Variants in CHIA observed in about 807,000 individuals in gnomAD.
CHIA encodes acidic mammalian chitinase.
CHIA carries 47 observed loss-of-function variants against 53.5 expected under a neutral mutation model. The ratio of observed to expected loss-of-function variants is 0.88; its 90% confidence interval spans 0.70 to 1.12. The LOEUF (loss-of-function observed/expected upper bound fraction) is 1.12, where lower values mean the gene tolerates loss of function less well. CHIA is among the 50% of genes most tolerant of loss of function. CHIA has a pLI of 0.00. For missense variants in CHIA, 652 were observed against 592.2 expected (o/e 1.10, Z -1.05); for synonymous variants, 268 against 222.2 (o/e 1.21, Z -1.83).
In CHIA at chr1:111,312,250, G is replaced by T; in HGVS notation, c.116G>T (p.Gly39Val). 1 of 1,614,028 alleles carries T rather than the reference G, an allele frequency of 6.2e-7. No homozygotes were observed. The highest frequency in any genetic ancestry group is 8.5e-7 in the Non-Finnish European group (1 of 1,179,978). Residue 39 changes from glycine to valine, a missense_variant, in exon 4 of 12, where the codon GGG becomes GTG. Transcript: ENST00000369740. The stretch of plus-strand genomic sequence containing the variant: ...TGGGCCCAGTACCGGCCAGGCCTGG[G>T]GCGCTTCATGCCTGACAACATCGAC... ...TNWAQYRPGL[G>V]RFMPDNIDPC... is the part of the protein sequence containing the mutation.
intron 1 of CHIA, among the ~76,000 whole-genome samples, chr1:111,302,787 G>A (rs893418805): frequency 3.3e-5 from 5 of 152,002 alleles, no homozygotes; most frequent in African/African-American, 1.2e-4. Flanking sequence ...TGTTGTTTAG[G>A]TCCTCTATTT....
At chr1:111,311,849 G>T (rs1571291234) in intron 3 of CHIA, 131 bp downstream of exon 3, 1 of 917,134 alleles carries the variant, frequency 1.1e-6, no homozygotes. Context: ...TTTTGGATTG[G>T]CTGTCACTGC....
chr1:111,311,960 C>A (rs1328861473), intron 3 of CHIA, among the ~76,000 whole-genome samples: 1 of 151,852 alleles, frequency 6.6e-6, no homozygotes, highest in Non-Finnish European at 1.5e-5. Context: ...TAGGCTTATC[C>A]AAAATCCCAA....
chr1:111,296,140 T>C (rs1661323391), intron 1 of CHIA, among the ~76,000 whole-genome samples: 1 of 152,230 alleles, frequency 6.6e-6, no homozygotes, highest in African/African-American at 2.4e-5. Flanking sequence ...AGGGCATAGC[T>C]GAACAAAAGG....
Position 111,320,203 on chromosome 1 carries a change from T to C in CHIA, c.1178-10T>C, listed in dbSNP as rs763835872. 6.2e-7 allele frequency: 1 copy of C among 1,611,672 alleles called. No homozygotes were observed. The highest frequency in any genetic ancestry group is 8.5e-7 in the Non-Finnish European group (1 of 1,178,704). On this transcript the variant is annotated splice_polypyrimidine_tract_variant and intron_variant, in intron 11 of 11. Coordinates refer to ENST00000369740, the MANE Select transcript of CHIA (RefSeq NM_201653.4). ...GCCCACTAGTCTGCTCTTACTGCTG[T>C]ATGTTTCAGGTTGCACGGCTCCAGC...
intron 1 of CHIA, among the ~76,000 whole-genome samples, chr1:111,291,837 G>C (rs11576622): frequency 0.019 from 2,923 of 150,668 alleles, 56 homozygotes; most frequent in Non-Finnish European, 0.032. Flanking sequence ...TGTCGGGGGG[G>C]GGTGGGGGTA....
At chr1:111,316,852 T>C (rs1209479881) in intron 6 of CHIA, 6 of 152,214 alleles carry the variant, frequency 3.9e-5, no homozygotes, top group Admixed American at 3.9e-4. Flanking sequence ...ATTTACTTAC[T>C]TGTTGAATTG....
chr1:111,312,242 A>G lies in CHIA; in HGVS notation c.108A>G (p.Pro36=), dbSNP rs1043911399. Residue 36 remains proline (P), a synonymous_variant, in exon 4 of 12, where the codon CCA becomes CCG. Transcript: ENST00000369740. The part of the protein sequence containing the change: ...CYFTNWAQYR[P]GLGRFMPDNI... ...TCACCAACTGGGCCCAGTACCGGCC[A>G]GGCCTGGGGCGCTTCATGCCTGACA... 6.0e-5 allele frequency: 97 copies of G among 1,614,016 alleles called. No homozygotes were observed. The highest frequency in any genetic ancestry group is 8.2e-5 in the Non-Finnish European group (97 of 1,180,016).
chr1:111,301,476 G>A (rs759787384), intron 1 of CHIA, among the ~76,000 whole-genome samples: 5 of 152,018 alleles, frequency 3.3e-5, no homozygotes, highest in Non-Finnish European at 7.4e-5. Flanking sequence ...GAGGTGGGCA[G>A]ATCACGAGGT....
rs2256721 is a variant in CHIA at position 111,320,330 on chromosome 1, T to G, written c.1295T>G (p.Val432Gly). ...TCGGGAGGCAGTGGATTCTGTGCTG[T>G]CAGAGCCAACGGCCTCTACCCCGTG... Reference protein sequence around the residue: ...GSSGGSGFCAVRANGLYPVAN... With the variant: ...GSSGGSGFCAGRANGLYPVAN... Residue 432 changes from valine (V) to glycine (G), a missense_variant, in exon 12 of 12, where the codon GTC becomes GGC. Transcript: ENST00000369740. The G allele has an allele frequency of 0.69, 1,114,370 of 1,613,944 alleles. 389,913 individuals are homozygous for G. Among genetic ancestry groups the G allele is most frequent in the African/African-American group, 0.78 (58,285 of 74,982 alleles).
Sources: allele counts gnomAD v4.1 joint callset (sites outside exome capture counted in the v4.1 genomes callset), GRCh38; gene constraint gnomAD v4.1.1; transcripts MANE v1.5; gene names NCBI Gene and HGNC (gene_info 2026-07-23, HGNC 2026-07-21).